Variants in DARS1 observed in about 807,000 individuals in gnomAD.
DARS1 encodes aspartyl-tRNA synthetase 1.
Under a neutral mutation model 68.8 loss-of-function variants are expected in DARS1, and 51 were observed. The observed-to-expected ratio is 0.74, with a 90% CI of 0.59 to 0.94. DARS1 has a LOEUF of 0.94. Among genes scored for constraint, DARS1 ranks in the 40% least tolerant of loss-of-function variants. DARS1 has a pLI of 0.00. For missense variants in DARS1, 607 were observed against 597.3 expected, an observed-to-expected ratio of 1.02 and a Z score of -0.17; for synonymous variants, 203 against 190.4, an observed-to-expected ratio of 1.07 and a Z score of -0.55.
At chr2:135,962,123 A>T (rs992352288) in intron 3 of DARS1, among the ~76,000 whole-genome samples, 5 of 152,076 alleles carry the variant, frequency 3.3e-5, no homozygotes, top group African/African-American at 7.2e-5. Flanking sequence ...TTTACTCCAA[A>T]TAACTTATAT....
At chr2:135,942,222 C>G (rs1681618288) in intron 5 of DARS1, among the ~76,000 whole-genome samples, 1 of 152,088 alleles carries the variant, frequency 6.6e-6, no homozygotes, top group Non-Finnish European at 1.5e-5. Flanking sequence ...TATTGCGGCA[C>G]TATTCGCAAT....
At chr2:135,913,893 T>C (rs984828877) in intron 12 of DARS1, among the ~76,000 whole-genome samples, 4 of 152,236 alleles carry the variant, frequency 2.6e-5, no homozygotes, top group African/African-American at 9.6e-5. Context: ...AAACTGAATA[T>C]TGTATGACTT....
At chr2:135,921,388 T>C (rs1389503733) in intron 9 of DARS1, among the ~76,000 whole-genome samples, 1 of 152,074 alleles carries the variant, frequency 6.6e-6, no homozygotes, top group Non-Finnish European at 1.5e-5. Flanking sequence ...GTTCTTGCTC[T>C]TTACTTACTC....
intron 2 of DARS1, 68 bp from the exon 3 acceptor site, chr2:135,979,434 A>AT: frequency 1.2e-6 from 1 of 800,818 alleles, no homozygotes; most frequent in African/African-American, 1.7e-5. Flanking sequence ...CAAAGAGATC[A>AT]TAATTATTTT....
intron 4 of DARS1, among the ~76,000 whole-genome samples, chr2:135,955,300 T>C (rs1240099932): frequency 1.3e-5 from 2 of 152,320 alleles, no homozygotes; most frequent in Non-Finnish European, 2.9e-5. Flanking sequence ...CGATACATTT[T>C]TTAGCTTTCT....
chr2:135,957,211 C>T (rs575837252), intron 4 of DARS1, among the ~76,000 whole-genome samples: 92 of 151,828 alleles, frequency 6.1e-4, no homozygotes, highest in African/African-American at 2.0e-3. Context: ...ACTACAGGTG[C>T]ATGCAGCCAT....
intron 8 of DARS1, 127 bp downstream of exon 8, chr2:135,924,257 ATAG>A: frequency 2.0e-6 from 2 of 1,014,660 alleles, no homozygotes; most frequent in East Asian, 3.1e-5. Context: ...GGTCTTCAAA[ATAG>A]TAGTCTCATG....
chr2:135,966,130 G>T (rs1575404502), intron 3 of DARS1, among the ~76,000 whole-genome samples: 1 of 151,744 alleles, frequency 6.6e-6, no homozygotes, highest in Non-Finnish European at 1.5e-5. Context: ...AAAAAATATG[G>T]TCATGTCTGT....
chr2:135,934,218 C>T (rs1051156708), intron 5 of DARS1, among the ~76,000 whole-genome samples: 1 of 152,090 alleles, frequency 6.6e-6, no homozygotes, highest in Non-Finnish European at 1.5e-5. Context: ...TTAGAACAGT[C>T]AAATAAGGTA....
chr2:135,982,047 A>G (rs1014658095), intron 2 of DARS1, among the ~76,000 whole-genome samples: 13 of 152,328 alleles, frequency 8.5e-5, no homozygotes, highest in South Asian at 6.2e-4. Flanking sequence ...TTTCCAAAGC[A>G]TAATATTCAT....
intron 3 of DARS1, among the ~76,000 whole-genome samples, chr2:135,975,033 T>C (rs985872560): frequency 5.9e-5 from 9 of 152,050 alleles, no homozygotes; most frequent in African/African-American, 2.2e-4. Flanking sequence ...TACTATGAAA[T>C]ACTATGAAAC....
intron 3 of DARS1, among the ~76,000 whole-genome samples, chr2:135,971,613 AT>A (rs1202591308): frequency 2.0e-5 from 3 of 152,224 alleles, no homozygotes; most frequent in African/African-American, 7.2e-5. Flanking sequence ...AGAGAAAAAA[AT>A]AAAGGGCATC....
Position 135,961,493 on chromosome 2 carries a change from GT to G in DARS1, c.222del (p.Lys74AsnfsTer5). 1 of 1,424,096 alleles carries G rather than the reference GT, an allele frequency of 7.0e-7. No homozygotes were observed. The highest frequency in any genetic ancestry group is 9.9e-7 in the Non-Finnish European group (1 of 1,006,200). 88.2% of individuals were successfully genotyped at this position (1,424,096 alleles called of 1,614,324 possible). ...TGCTGACGTAGGACTAAGAAGCACT[GT>G]TTCCCTGAAAAAGACAGAAAGAACA... Reference protein sequence around the residue: ...ARVHTSRAKGKQCFLVLRQQQ... With the variant: ...ARVHTSRAKGXQCFLVLRQQQ... On this transcript the variant is annotated frameshift_variant, in exon 4 of 16. Coordinates refer to ENST00000264161, the MANE Select transcript of DARS1 (RefSeq NM_001349.4). LOFTEE classifies it high-confidence loss of function.
At chr2:135,978,962 T>C (rs1682559650) in intron 3 of DARS1, 1 of 194,320 alleles carries the variant, frequency 5.1e-6, no homozygotes, top group East Asian at 1.1e-4. Flanking sequence ...AGTTTACTCT[T>C]TTTTTTCAAT....
intron 1 of DARS1, among the ~76,000 whole-genome samples, chr2:135,984,941 A>G (rs1488424716): frequency 1.3e-5 from 2 of 152,248 alleles, no homozygotes; most frequent in African/African-American, 4.8e-5. Flanking sequence ...AAGCTGTCAC[A>G]TGGGAAATGG....
chr2:135,978,142 CAA>C (rs59505882), intron 3 of DARS1, among the ~76,000 whole-genome samples: 10,236 of 53,208 alleles, frequency 0.19, 142 homozygotes, highest in Middle Eastern at 0.42. Flanking sequence ...GACTCTGTCT[CAA>C]AAAAAAAAAA....
chr2:135,938,417 C>G (rs2104814791), intron 5 of DARS1, among the ~76,000 whole-genome samples: 1 of 152,204 alleles, frequency 6.6e-6, no homozygotes, highest in East Asian at 1.9e-4. Context: ...TTTTTAGCTT[C>G]TTTGCGATGT....
chr2:135,978,552 G>T (rs768399481), intron 3 of DARS1, among the ~76,000 whole-genome samples: 1 of 152,210 alleles, frequency 6.6e-6, no homozygotes, highest in Non-Finnish European at 1.5e-5. Flanking sequence ...ATAAACTAGT[G>T]TGTCAATTGA....
chr2:135,911,824 AG>A (rs1680902781), intron 13 of DARS1, among the ~76,000 whole-genome samples: 1 of 152,206 alleles, frequency 6.6e-6, no homozygotes, highest in African/African-American at 2.4e-5. Context: ...TGGAACTCCA[AG>A]TTATTAACAG....
Sources: allele counts gnomAD v4.1 joint callset (sites outside exome capture counted in the v4.1 genomes callset), GRCh38; gene constraint gnomAD v4.1.1; transcripts MANE v1.5; gene names NCBI Gene and HGNC (gene_info 2026-07-23, HGNC 2026-07-21).